The following NFIB variants were observed in gnomAD, a reference collection of about 807,000 sequenced individuals.
NFIB encodes the protein nuclear factor 1 B-type.
Under a neutral mutation model 61.5 loss-of-function variants are expected in NFIB, and 11 were observed. The observed-to-expected ratio is 0.18, with a 90% CI of 0.11 to 0.30. NFIB has a LOEUF of 0.30. Among genes scored for constraint, NFIB ranks in the 10% least tolerant of loss-of-function variants. NFIB has a pLI of 1.00. For missense variants in NFIB, 471 were observed against 608.9 expected (o/e 0.77, Z 2.38); for synonymous variants, 260 against 216.5 (o/e 1.20, Z -1.76).
the NFIB span, among the ~76,000 whole-genome samples, chr9:14,475,380 G>A: frequency 6.6e-6 from 1 of 152,212 alleles, no homozygotes; most frequent in Admixed American, 6.5e-5. Context: ...AAAATGAAGA[G>A]GCTATGGAGC....
intron 10 of NFIB, 136 bp downstream of exon 10, chr9:14,112,863 C>G: frequency 1.4e-6 from 1 of 689,670 alleles, no homozygotes; most frequent in East Asian, 2.9e-5. Flanking sequence ...AGAAAAAATT[C>G]TGGGAAATGA....
At chr9:14,138,849 T>C (rs957934598) in intron 6 of NFIB, among the ~76,000 whole-genome samples, 5 of 152,226 alleles carry the variant, frequency 3.3e-5, no homozygotes, top group East Asian at 1.9e-4. Context: ...TTTATTTTAG[T>C]TGAAAAAATT....
intron 1 of NFIB, among the ~76,000 whole-genome samples, chr9:14,371,011 C>T (rs1394299770): frequency 6.6e-6 from 1 of 152,188 alleles, no homozygotes; most frequent in Non-Finnish European, 1.5e-5. Context: ...AGGAGAATCA[C>T]TTGAACCCAG....
At chr9:14,149,787 C>T (rs529676348) in intron 5 of NFIB, among the ~76,000 whole-genome samples, 1 of 152,098 alleles carries the variant, frequency 6.6e-6, no homozygotes, top group South Asian at 2.1e-4. Context: ...TAAAAGTTAC[C>T]AGGAATCAGT....
At chr9:14,495,446 C>CTTTTTTTTTTTTTTTT in the NFIB span, among the ~76,000 whole-genome samples, 123 of 117,220 alleles carry the variant, frequency 1.0e-3, 15 homozygotes, top group African/African-American at 3.8e-3. Flanking sequence ...GAGAAATGAA[C>CTTTTTTTTTTTTTTTT]TTTTTTTTTT....
chr9:14,137,270 G>C (rs985939047), intron 6 of NFIB, among the ~76,000 whole-genome samples: 14 of 152,180 alleles, frequency 9.2e-5, no homozygotes, highest in African/African-American at 2.9e-4. Flanking sequence ...TGTTGCACCA[G>C]AATGGTGCAG....
At chr9:14,096,058 A>C (rs893636604) in intron 10 of NFIB, among the ~76,000 whole-genome samples, 1 of 152,192 alleles carries the variant, frequency 6.6e-6, no homozygotes, top group Non-Finnish European at 1.5e-5. Flanking sequence ...TGACTAAAAA[A>C]ATCATCATAT....
chr9:14,205,740 G>A (rs2131673233), intron 2 of NFIB, among the ~76,000 whole-genome samples: 1 of 152,240 alleles, frequency 6.6e-6, no homozygotes, highest in South Asian at 2.1e-4. Flanking sequence ...GACACAAACT[G>A]GTGGTATTCA....
At chr9:14,362,400 A>G (rs2061251640) in intron 1 of NFIB, 1 of 152,238 alleles carries the variant, frequency 6.6e-6, no homozygotes, top group African/African-American at 2.4e-5. Flanking sequence ...CTGTCAACAA[A>G]TAGAGCTTCT....
At chr9:14,418,531 G>A in the NFIB span, among the ~76,000 whole-genome samples, 1 of 152,178 alleles carries the variant, frequency 6.6e-6, no homozygotes, top group Non-Finnish European at 1.5e-5. Context: ...GCTTGGAGAA[G>A]TGTGTGTGGT....
chr9:14,280,035 C>G (rs1224493659), intron 2 of NFIB, among the ~76,000 whole-genome samples: 1 of 152,124 alleles, frequency 6.6e-6, no homozygotes, highest in Non-Finnish European at 1.5e-5. Context: ...CAAAATGACA[C>G]ACTTTGGAAA....
At chr9:14,098,374 C>T (rs1587144657) in intron 10 of NFIB, among the ~76,000 whole-genome samples, 2 of 152,138 alleles carry the variant, frequency 1.3e-5, no homozygotes, top group South Asian at 2.1e-4. Flanking sequence ...TTCAGTTTCT[C>T]TTTTGCATAA....
At chr9:14,149,536 T>C (rs1365564645) in intron 5 of NFIB, among the ~76,000 whole-genome samples, 1 of 151,866 alleles carries the variant, frequency 6.6e-6, no homozygotes, top group Non-Finnish European at 1.5e-5. Context: ...AAAATGAGAA[T>C]GTTAACAGAG....
intron 2 of NFIB, among the ~76,000 whole-genome samples, chr9:14,189,696 G>A (rs1425958281): frequency 6.6e-6 from 1 of 150,404 alleles, no homozygotes; most frequent in Non-Finnish European, 1.5e-5. Flanking sequence ...CAACTCTTCT[G>A]CTACATTTTA....
the NFIB span, among the ~76,000 whole-genome samples, chr9:14,472,240 T>A: frequency 6.6e-6 from 1 of 152,216 alleles, no homozygotes; most frequent in Non-Finnish European, 1.5e-5. Context: ...CATGTTGCTG[T>A]GTGTGCTGAA....
In NFIB at chr9:14,201,853, A is replaced by T. The variant is rs147571533; in HGVS notation, c.563-22073T>A. 4.5e-3 allele frequency among the ~76,000 whole-genome samples: 682 copies of T among 152,272 alleles called. 7 individuals carry two copies. The highest frequency in any genetic ancestry group is 7.9e-3 in the South Asian group (38 of 4,818). Reference sequence around the variant, plus strand: ...CAATTTATACAGGTAATTAACATTCAATATTCTGATTGTGACATATACAGA... The same window carrying T: ...CAATTTATACAGGTAATTAACATTCTATATTCTGATTGTGACATATACAGA... On this transcript the variant is annotated intron_variant, in intron 2 of 10. Transcript: ENST00000380953.
chr9:14,242,636 G>A (rs1228121901), intron 2 of NFIB, among the ~76,000 whole-genome samples: 1 of 152,200 alleles, frequency 6.6e-6, no homozygotes, highest in African/African-American at 2.4e-5. Flanking sequence ...GACAGATGCT[G>A]GCTTAAAGAT....
intron 4 of NFIB, among the ~76,000 whole-genome samples, chr9:14,153,139 C>G (rs1049151079): frequency 6.6e-6 from 1 of 151,930 alleles, no homozygotes. Context: ...CACATGGATT[C>G]CATAAATATG....
chr9:14,261,105 T>C (rs2056709536), intron 2 of NFIB, among the ~76,000 whole-genome samples: 1 of 152,170 alleles, frequency 6.6e-6, no homozygotes, highest in South Asian at 2.1e-4. Flanking sequence ...TCACCTGATG[T>C]CAGGAATTTG....
Sources: allele counts gnomAD v4.1 joint callset (sites outside exome capture counted in the v4.1 genomes callset), GRCh38; gene constraint gnomAD v4.1.1; transcripts MANE v1.5; gene names NCBI Gene and HGNC (gene_info 2026-07-23, HGNC 2026-07-21).